Variants in KIAA1217 observed in about 807,000 individuals in gnomAD.
KIAA1217 encodes the protein sickle tail protein homolog.
A neutral mutation model predicts 163.9 loss-of-function variants in KIAA1217; 88 were observed. That is an observed-to-expected ratio of 0.54 (90% CI 0.45 to 0.64). KIAA1217 has a LOEUF of 0.64. KIAA1217 is among the 30% of genes least tolerant of loss of function. KIAA1217 has a pLI of 0.00. For synonymous variants in KIAA1217, 903 were observed against 923.1 expected (o/e 0.98, Z 0.39); for missense variants, 2,372 against 2,475.0 (o/e 0.96, Z 0.88).
At chr10:24,206,296 A>G (rs975415053), upstream of KIAA1217, among the ~76,000 whole-genome samples, 2 of 152,220 alleles carry the variant, frequency 1.3e-5, no homozygotes, top group Non-Finnish European at 2.9e-5. Context: ...GCAATTTTTA[A>G]GCCCAGAAAT....
intron 2 of KIAA1217, among the ~76,000 whole-genome samples, chr10:24,350,193 G>A (rs376502195): frequency 2.0e-5 from 3 of 152,202 alleles, no homozygotes; most frequent in South Asian, 2.1e-4. Context: ...GAAGCTGAAA[G>A]CAATGTTATA....
intron 2 of KIAA1217, among the ~76,000 whole-genome samples, chr10:24,053,454 T>C (rs185256168): frequency 3.3e-5 from 5 of 152,250 alleles, no homozygotes; most frequent in Admixed American, 6.5e-5. Flanking sequence ...TATATTACAT[T>C]TTTAACATAC....
chr10:24,329,579 A>G (rs1178242791), intron 2 of KIAA1217, among the ~76,000 whole-genome samples: 1 of 152,190 alleles, frequency 6.6e-6, no homozygotes, highest in Non-Finnish European at 1.5e-5. Context: ...GAGCATGAAT[A>G]GCCCTGCATT....
At chr10:24,505,769 AAGG>A (rs995438197) in intron 9 of KIAA1217, among the ~76,000 whole-genome samples, 3 of 152,118 alleles carry the variant, frequency 2.0e-5, no homozygotes, top group Admixed American at 6.6e-5. Context: ...TTCCCAAGAG[AAGG>A]AGGAGGTAAA....
At chr10:23,851,875 G>A (rs1839354165) in intron 1 of KIAA1217, among the ~76,000 whole-genome samples, 1 of 151,410 alleles carries the variant, frequency 6.6e-6, no homozygotes, top group South Asian at 2.1e-4. Context: ...TTTTTTTCTT[G>A]TAAATTTGTT....
At chr10:24,341,614 T>C (rs2133836729) in intron 2 of KIAA1217, among the ~76,000 whole-genome samples, 1 of 152,036 alleles carries the variant, frequency 6.6e-6, no homozygotes, top group East Asian at 1.9e-4. Flanking sequence ...ATACTCTGCG[T>C]CATAGCCAAA....
intron 2 of KIAA1217, among the ~76,000 whole-genome samples, chr10:24,117,114 C>T (rs1026681364): frequency 4.6e-5 from 7 of 151,922 alleles, no homozygotes; most frequent in Non-Finnish European, 7.4e-5. Flanking sequence ...CTCGGCTCAC[C>T]GCAACCTCCA....
At chr10:24,162,326 C>G (rs537845520) in intron 2 of KIAA1217, among the ~76,000 whole-genome samples, 46 of 152,336 alleles carry the variant, frequency 3.0e-4, no homozygotes, top group Non-Finnish European at 6.0e-4. Context: ...CTGTGAACAT[C>G]AAACTGCTGC....
intron 1 of KIAA1217, among the ~76,000 whole-genome samples, chr10:23,826,704 GTTC>G (rs1837916576): frequency 6.6e-6 from 1 of 152,104 alleles, no homozygotes; most frequent in Non-Finnish European, 1.5e-5. Context: ...TGTAGTTGCT[GTTC>G]TTCTGTGTTC....
At position 24,028,792 on chromosome 10, in the gene KIAA1217, A is replaced by G. The variant is rs79415328; in HGVS notation, c.-171+21418A>G. 2.9e-3 allele frequency among the ~76,000 whole-genome samples: 442 copies of G among 152,306 alleles called. 3 individuals carry two copies. The highest frequency in any genetic ancestry group is 0.01 in the African/African-American group (418 of 41,574). ...AAATCATCTGAGGAGTACCAAAAAA[A>G]TCTGAATGACTATTATTGGTGCTAT... is the stretch of plus-strand genomic sequence containing the variant. On this transcript the variant is annotated intron_variant, in intron 2 of 18. Transcript: ENST00000376462.
chr10:24,528,511 A>G (rs2072588518), intron 14 of KIAA1217, among the ~76,000 whole-genome samples: 1 of 151,278 alleles, frequency 6.6e-6, no homozygotes, highest in Non-Finnish European at 1.5e-5. Flanking sequence ...TTATTTTTTT[A>G]GAGACAGGTT....
intron 6 of KIAA1217, among the ~76,000 whole-genome samples, chr10:24,478,755 C>A (rs562936827): frequency 6.6e-6 from 1 of 152,300 alleles, no homozygotes; most frequent in South Asian, 2.1e-4. Context: ...ATCATTATTT[C>A]TATTCATGGC....
chr10:24,179,464 C>T lies in KIAA1217; in HGVS notation c.-170-40162C>T, dbSNP rs569336798. On this transcript the variant is annotated intron_variant, in intron 2 of 18. Transcript: ENST00000376462. ...TGAAGATGTGGCTGCTTGCCCTCCA[C>T]CTTTTGCTATGATTGTAAGTTTCCT... is the stretch of plus-strand genomic sequence containing the variant. Among the ~76,000 whole-genome samples, 79 of 152,286 alleles carry T rather than the reference C, an allele frequency of 5.2e-4. 1 individual carries two copies. The South Asian group carries it at 0.016, about 30-fold the overall frequency.
rs371110913 is a variant in KIAA1217, at chr10:24,294,187, C to CAAAA, written c.354+74301_354+74304dup. 1.9e-3 allele frequency among the ~76,000 whole-genome samples: 105 copies of CAAAA among 54,990 alleles called. 8 individuals are homozygous for CAAAA. Among genetic ancestry groups the CAAAA allele is most frequent in the Middle Eastern group, 0.026 (1 of 38 alleles). 36.1% of individuals were successfully genotyped at this position (54,990 alleles called of 152,430 possible). ...TGGGTGACAGAGCGAGACTCCGTCT[C>CAAAA]AAAAAAAAAAAAAAAAAAAAAAAAA... On this transcript the variant is annotated intron_variant, in intron 2 of 20. Transcript: ENST00000376454.
chr10:23,752,745 AT>A (rs1246731191), intron 1 of KIAA1217, among the ~76,000 whole-genome samples: 1 of 152,196 alleles, frequency 6.6e-6, no homozygotes, highest in African/African-American at 2.4e-5. Flanking sequence ...AAGGAATGAT[AT>A]TTTTATTAAA....
intron 1 of KIAA1217, among the ~76,000 whole-genome samples, chr10:23,857,036 T>C (rs947252871): frequency 6.6e-6 from 1 of 152,244 alleles, no homozygotes; most frequent in Admixed American, 6.5e-5. Flanking sequence ...ACCCACTGTC[T>C]GGCACTCCCT....
At chr10:24,397,630 T>G (rs1423885052) in intron 3 of KIAA1217, among the ~76,000 whole-genome samples, 1 of 152,142 alleles carries the variant, frequency 6.6e-6, no homozygotes, top group Non-Finnish European at 1.5e-5. Context: ...AGCATTTGAT[T>G]TGGGTTTTGA....
intron 2 of KIAA1217, among the ~76,000 whole-genome samples, chr10:24,330,476 T>C (rs2045531122): frequency 6.6e-6 from 1 of 152,150 alleles, no homozygotes; most frequent in Admixed American, 6.5e-5. Flanking sequence ...TGCAAGCACT[T>C]TTGATATAGA....
intron 1 of KIAA1217, among the ~76,000 whole-genome samples, chr10:23,952,050 A>G (rs892258376): frequency 3.3e-5 from 5 of 152,182 alleles, no homozygotes; most frequent in Admixed American, 6.5e-5. Context: ...CGAAAGGCTG[A>G]TGTTTCCCCT....
Sources: gnomAD v4.1 joint callset for allele counts (sites outside exome capture counted in the v4.1 genomes callset) on GRCh38, gnomAD v4.1.1 for gene constraint, MANE v1.5 for transcripts, NCBI Gene and HGNC (gene_info 2026-07-23, HGNC 2026-07-21) for gene names.